FRRS1: variants seen among roughly 807,000 people sequenced by gnomAD.
FRRS1 encodes ferric chelate reductase 1, also known as ferric reductase 1.
Under a neutral mutation model 70.7 loss-of-function variants are expected in FRRS1, and 51 were observed. That is an observed-to-expected ratio of 0.72 (90% CI 0.58 to 0.91). The LOEUF (loss-of-function observed/expected upper bound fraction) is 0.91, where lower values mean the gene tolerates loss of function less well. Ranked by LOEUF, FRRS1 falls within the 40% of genes least tolerant of loss-of-function variation. FRRS1 has a pLI of 0.00. For missense variants in FRRS1, 672 were observed against 726.0 expected (o/e 0.93, Z 0.86); for synonymous variants, 225 against 238.7 (o/e 0.94, Z 0.53).
chr1:99,713,675 G>A (rs1490666749), intron 12 of FRRS1, among the ~76,000 whole-genome samples: 1 of 152,158 alleles, frequency 6.6e-6, no homozygotes, highest in Non-Finnish European at 1.5e-5. Context: ...TTCTCAATAA[G>A]AGTTATTCAT....
intron 14 of FRRS1, chr1:99,711,290 T>C: frequency 4.4e-6 from 1 of 226,748 alleles, no homozygotes; most frequent in Non-Finnish European, 8.8e-6. Context: ...CCCTCTCCTC[T>C]TTTGGAGTCC....
chr1:99,728,961 T>C (rs1655207356), intron 8 of FRRS1, among the ~76,000 whole-genome samples: 1 of 152,340 alleles, frequency 6.6e-6, no homozygotes, highest in Non-Finnish European at 1.5e-5. Context: ...ATCAAAAACA[T>C]TGAAATAAAC....
intron 2 of FRRS1, 41 bp downstream of exon 2, chr1:99,748,855 CT>C: frequency 1.1e-6 from 1 of 937,168 alleles, no homozygotes; most frequent in Non-Finnish European, 1.6e-6. Flanking sequence ...TTCTAGATAA[CT>C]ACTTGCTTTC....
rs759164874 is a variant in FRRS1 at position 99,740,805 on chromosome 1, G to C, written c.564C>G (p.His188Gln). 3.7e-6 allele frequency: 6 copies of C among 1,609,834 alleles called. No homozygotes were observed. The highest frequency in any genetic ancestry group is 2.2e-5 in the East Asian group (1 of 44,852). ...AATTGTTACTTACTGGTTTGGTTAA[G>C]TGGGAAACGGGAGGTAACGTTGGCA... ...VPLPTLPPVS[H>Q]LTKPFSASDC... The change falls in exon 6 of 17, where the codon CAC becomes CAG. Residue 188 changes from histidine to glutamine, a missense_variant. By Grantham distance (24) the His-to-Gln change is conservative. Coordinates refer to ENST00000646001, the MANE Select transcript of FRRS1 (RefSeq NM_001361041.2).
intron 4 of FRRS1, among the ~76,000 whole-genome samples, chr1:99,745,028 A>C (rs1244712803): frequency 3.3e-5 from 5 of 151,836 alleles, no homozygotes; most frequent in Middle Eastern, 3.4e-3. Flanking sequence ...ATTGAGGAGA[A>C]AGTGTATCTG....
At chr1:99,742,313 A>G (rs374201373) in intron 4 of FRRS1, 40 bp from the exon 5 acceptor site, 8 of 1,174,002 alleles carry the variant, frequency 6.8e-6, no homozygotes, top group Non-Finnish European at 1.0e-5. Flanking sequence ...CAGTCACTCA[A>G]TAGCTCAGCA....
intron 1 of FRRS1, among the ~76,000 whole-genome samples, chr1:99,762,052 G>A (rs772375660): frequency 5.9e-5 from 9 of 152,190 alleles, no homozygotes; most frequent in Non-Finnish European, 1.3e-4. Flanking sequence ...GAAAAGTATG[G>A]TCTCTGGCCT....
At chr1:99,714,504 A>G (rs914794810) in intron 12 of FRRS1, among the ~76,000 whole-genome samples, 4 of 152,142 alleles carry the variant, frequency 2.6e-5, no homozygotes. Flanking sequence ...AAAAAAAAAT[A>G]ACTGTCTTCT....
chr1:99,713,282 A>G, intron 12 of FRRS1, among the ~76,000 whole-genome samples: 1 of 152,228 alleles, frequency 6.6e-6, no homozygotes, highest in East Asian at 1.9e-4. Flanking sequence ...CAGGATTTGA[A>G]TCCAAGGAAT....
Position 99,748,891 on chromosome 1 carries a change from A to T in FRRS1, c.-1+6T>A, listed in dbSNP as rs1557704270. Reference sequence around the variant, plus strand: ...CTGTGTTCAGCAAACCATATTCTCAACATACCTGATAAAAAGAATGTGATA... The same window carrying T: ...CTGTGTTCAGCAAACCATATTCTCATCATACCTGATAAAAAGAATGTGATA... On this transcript the variant is annotated splice_donor_region_variant and intron_variant, in intron 2 of 16. Transcript: ENST00000646001. The T allele has an allele frequency of 1.6e-6, 1 of 634,440 alleles. No individual in the cohort carries two copies. The highest frequency in any genetic ancestry group is 1.8e-5 in the African/African-American group (1 of 54,108). 39.3% of individuals were successfully genotyped at this position (634,440 alleles called of 1,614,324 possible). A position where few individuals can be genotyped will look rare whatever the true frequency, so the allele number is the denominator to read the frequency against.
At chr1:99,709,553 A>G (rs1460922476) in intron 15 of FRRS1, among the ~76,000 whole-genome samples, 2 of 152,214 alleles carry the variant, frequency 1.3e-5, no homozygotes, top group African/African-American at 4.8e-5. Flanking sequence ...TTGACAAAAT[A>G]TTGTATATAT....
intron 7 of FRRS1, among the ~76,000 whole-genome samples, chr1:99,731,491 T>C (rs186178581): frequency 6.3e-4 from 96 of 152,310 alleles, no homozygotes; most frequent in Non-Finnish European, 9.4e-4. Flanking sequence ...GATAAGAAAT[T>C]TGGAGCAATC....
At position 99,729,748 on chromosome 1, in the gene FRRS1, C is replaced by G. The variant is rs1445717375; in HGVS notation, c.760G>C (p.Gly254Arg). 3.8e-6 allele frequency: 6 copies of G among 1,594,052 alleles called. No individual in the cohort carries two copies. The stretch of plus-strand genomic sequence containing the variant: ...ATACACAGATAAGCATCATCATCAC[C>G]CTGAAAAACAATTGCAAATGAGAAA... ...SFALSHDQWMGDDDAYLCIHE... is the reference protein window; with the variant it reads ...SFALSHDQWMRDDDAYLCIHE... The change falls in exon 8 of 17, where the codon GGT becomes CGT. Residue 254 changes from glycine to arginine, a missense_variant and splice_region_variant. By Grantham distance (125) the Gly-to-Arg change is moderately radical (BLOSUM62 -2). Transcript: ENST00000646001.
intron 4 of FRRS1, 36 bp downstream of exon 4, chr1:99,747,258 C>T: frequency 1.9e-6 from 3 of 1,579,500 alleles, no homozygotes; most frequent in Non-Finnish European, 2.6e-6. Context: ...CACCTGTAAC[C>T]TCCACATTGT....
intron 7 of FRRS1, among the ~76,000 whole-genome samples, chr1:99,734,988 A>G (rs1484729429): frequency 6.6e-6 from 1 of 152,188 alleles, no homozygotes; most frequent in East Asian, 1.9e-4. Context: ...AAGGAAGCTA[A>G]TGCGCATACT....
intron 4 of FRRS1, among the ~76,000 whole-genome samples, chr1:99,747,046 T>C (rs761410527): frequency 6.6e-6 from 1 of 152,206 alleles, no homozygotes; most frequent in Non-Finnish European, 1.5e-5. Context: ...TATTTTCTCT[T>C]ATTTTCTTAA....
At chr1:99,733,142 C>T (rs533733526) in intron 7 of FRRS1, among the ~76,000 whole-genome samples, 1 of 152,138 alleles carries the variant, frequency 6.6e-6, no homozygotes, top group Non-Finnish European at 1.5e-5. Context: ...AGCCACCACG[C>T]CCAGCCAAGA....
intron 7 of FRRS1, among the ~76,000 whole-genome samples, chr1:99,731,041 A>T (rs1435394728): frequency 2.0e-5 from 3 of 152,150 alleles, no homozygotes; most frequent in Non-Finnish European, 4.4e-5. Context: ...GCCTCCAAAA[A>T]AGAGAAATAA....
chr1:99,721,487 C>T (rs907124334), intron 9 of FRRS1, among the ~76,000 whole-genome samples: 1 of 151,572 alleles, frequency 6.6e-6, no homozygotes, highest in African/African-American at 2.4e-5. Flanking sequence ...AATCAGCCCC[C>T]AAAAATCTCA....
Sources: gnomAD v4.1 joint callset for allele counts (sites outside exome capture counted in the v4.1 genomes callset) on GRCh38, gnomAD v4.1.1 for gene constraint, MANE v1.5 for transcripts, NCBI Gene and HGNC (gene_info 2026-07-23, HGNC 2026-07-21) for gene names.